Variants in ZNF385D observed in about 807,000 individuals in gnomAD.
ZNF385D encodes the protein zinc finger protein 385D.
A neutral mutation model predicts 35.8 loss-of-function variants in ZNF385D; 15 were observed. The ratio of observed to expected loss-of-function variants is 0.42; its 90% CI spans 0.28 to 0.64. The LOEUF is 0.64. ZNF385D is among the 30% of genes least tolerant of loss of function. The probability of loss-of-function intolerance (pLI) is 0.23; values close to 1 mark genes in which losing one functional copy is unlikely to be tolerated. For missense variants in ZNF385D, 474 were observed against 494.6 expected, an observed-to-expected ratio of 0.96 and a Z score of 0.39; for synonymous variants, 212 against 186.8, an observed-to-expected ratio of 1.13 and a Z score of -1.10.
chr3:21,436,400 T>C (rs1043877148), intron 5 of ZNF385D, among the ~76,000 whole-genome samples: 4 of 152,122 alleles, frequency 2.6e-5, no homozygotes, highest in Admixed American at 2.6e-4. Flanking sequence ...TTGAAAAGAA[T>C]AACATTTTTA....
chr3:21,809,683 T>C (rs549313595), intron 3 of ZNF385D, among the ~76,000 whole-genome samples: 39 of 150,988 alleles, frequency 2.6e-4, no homozygotes, highest in African/African-American at 8.5e-4. Context: ...TACACACATA[T>C]ATACCTATAT....
chr3:21,432,671 T>C (rs561954632), intron 5 of ZNF385D, among the ~76,000 whole-genome samples: 1 of 151,876 alleles, frequency 6.6e-6, no homozygotes, highest in African/African-American at 2.4e-5. Context: ...AGCATATAGG[T>C]CAAGGGAAGG....
chr3:21,912,553 C>T (rs1024909407), intron 3 of ZNF385D, among the ~76,000 whole-genome samples: 5 of 151,926 alleles, frequency 3.3e-5, no homozygotes, highest in South Asian at 4.1e-4. Flanking sequence ...GTGTGCCATT[C>T]GAAGCACTCC....
At chr3:22,182,602 A>C (rs116683262) in intron 2 of ZNF385D, among the ~76,000 whole-genome samples, 319 of 152,116 alleles carry the variant, frequency 2.1e-3, no homozygotes, top group Non-Finnish European at 3.9e-3. Flanking sequence ...ATCGAATTTG[A>C]CTTAGAGAGA....
At chr3:21,558,481 A>C (rs540188135) in intron 3 of ZNF385D, among the ~76,000 whole-genome samples, 3 of 152,214 alleles carry the variant, frequency 2.0e-5, no homozygotes, top group South Asian at 2.1e-4. Flanking sequence ...CAGTTTCTTA[A>C]TCCTGACTTC....
chr3:22,002,225 C>A (rs1463488302), intron 3 of ZNF385D, among the ~76,000 whole-genome samples: 1 of 150,586 alleles, frequency 6.6e-6, no homozygotes, highest in Non-Finnish European at 1.5e-5. Flanking sequence ...CAAAAAAGAC[C>A]CAAATCAATA....
At position 21,974,351 on chromosome 3, in the gene ZNF385D, T is replaced by A. The variant is rs1013118302; in HGVS notation, c.325+194466A>T. ...GGACAATATCTTCAATAAGTGGTGC[T>A]GGGAAAACTAGATATGCATATACAA... On this transcript the variant is annotated intron_variant, in intron 3 of 5. Coordinates refer to the ZNF385D transcript ENST00000494108. Among the ~76,000 whole-genome samples, 3 of 152,006 alleles carry A rather than the reference T, an allele frequency of 2.0e-5. No homozygotes were observed. In the East Asian group the frequency reaches 5.8e-4, roughly 29 times the overall value.
intron 2 of ZNF385D, among the ~76,000 whole-genome samples, chr3:22,260,784 G>T (rs9840038): frequency 0.02 from 3,066 of 151,890 alleles, 97 homozygotes; most frequent in African/African-American, 0.069. Flanking sequence ...TTTTAAACAT[G>T]GAATATGATA....
At chr3:22,219,013 T>C (rs1698074956) in intron 2 of ZNF385D, among the ~76,000 whole-genome samples, 1 of 152,142 alleles carries the variant, frequency 6.6e-6, no homozygotes, top group African/African-American at 2.4e-5. Context: ...ATTCCTCTTT[T>C]TATGGGCATT....
intron 4 of ZNF385D, among the ~76,000 whole-genome samples, chr3:21,493,703 A>G (rs1705605183): frequency 6.6e-6 from 1 of 151,944 alleles, no homozygotes; most frequent in Admixed American, 6.6e-5. Context: ...GTCTCAAGCA[A>G]TCCTCCCATC....
chr3:22,343,773 T>C (rs910660369), intron 2 of ZNF385D, among the ~76,000 whole-genome samples: 2 of 152,234 alleles, frequency 1.3e-5, no homozygotes, highest in African/African-American at 4.8e-5. Context: ...TACAATATTT[T>C]ACTATTTTTT....
intron 3 of ZNF385D, among the ~76,000 whole-genome samples, chr3:21,788,410 A>G (rs954501964): frequency 1.8e-4 from 27 of 152,092 alleles, no homozygotes; most frequent in African/African-American, 6.5e-4. Context: ...CCTGGGAGGC[A>G]GAGGTTGCAG....
chr3:22,044,415 G>C (rs1404656084), intron 3 of ZNF385D, among the ~76,000 whole-genome samples: 1 of 151,990 alleles, frequency 6.6e-6, no homozygotes, highest in Non-Finnish European at 1.5e-5. Context: ...CACTGTGTTT[G>C]GGGGATAGAG....
At chr3:21,664,411 T>C (rs2066338293) in intron 2 of ZNF385D, among the ~76,000 whole-genome samples, 1 of 152,112 alleles carries the variant, frequency 6.6e-6, no homozygotes, top group African/African-American at 2.4e-5. Flanking sequence ...AAGTTAATGG[T>C]GGGAAGAAAG....
intron 3 of ZNF385D, among the ~76,000 whole-genome samples, chr3:22,089,656 C>G (rs1026462903): frequency 6.6e-6 from 1 of 152,022 alleles, no homozygotes; most frequent in Non-Finnish European, 1.5e-5. Context: ...GGATCTCTGC[C>G]CTGAGTAAGG....
At chr3:21,638,280 T>G (rs1383154069) in intron 2 of ZNF385D, among the ~76,000 whole-genome samples, 1 of 152,086 alleles carries the variant, frequency 6.6e-6, no homozygotes, top group Non-Finnish European at 1.5e-5. Context: ...ATTGTTCTGT[T>G]TGTTATACAA....
At chr3:22,258,063 G>A (rs959148734) in intron 2 of ZNF385D, among the ~76,000 whole-genome samples, 1 of 151,672 alleles carries the variant, frequency 6.6e-6, no homozygotes, top group African/African-American at 2.4e-5. Flanking sequence ...TTCCTACAGA[G>A]GTACAATGAG....
At chr3:22,028,723 C>G (rs907635011) in intron 3 of ZNF385D, among the ~76,000 whole-genome samples, 1 of 152,198 alleles carries the variant, frequency 6.6e-6, no homozygotes, top group Non-Finnish European at 1.5e-5. Flanking sequence ...AAGGCATTCA[C>G]TTTATGGCTA....
In ZNF385D at chr3:22,293,748, G is replaced by A. The variant is rs550154184; in HGVS notation, c.106+78702C>T. ...CCCAAGACCAGCAGAATCAACTTCA[G>A]CATCAGCATCACCTGGTAGCTTTCA... On this transcript the variant is annotated intron_variant, in intron 2 of 5. Coordinates refer to the ZNF385D transcript ENST00000494108. 3.9e-5 allele frequency among the ~76,000 whole-genome samples: 6 copies of A among 152,204 alleles called. No homozygotes were observed. In the South Asian group the frequency reaches 1.2e-3, roughly 32 times the overall value.
Sources: gnomAD v4.1 joint callset for allele counts (sites outside exome capture counted in the v4.1 genomes callset) on GRCh38, gnomAD v4.1.1 for gene constraint, MANE v1.5 for transcripts, NCBI Gene and HGNC (gene_info 2026-07-23, HGNC 2026-07-21) for gene names.